Variants in DLC1 observed in about 807,000 individuals in gnomAD.
DLC1 encodes the protein DLC1 Rho GTPase activating protein.
A neutral mutation model predicts 140.3 loss-of-function variants in DLC1; 54 were observed. The observed-to-expected ratio is 0.38, with a 90% CI of 0.31 to 0.48. The LOEUF (loss-of-function observed/expected upper bound fraction) is 0.48, where lower values mean the gene tolerates loss of function less well. DLC1 is among the 20% of genes least tolerant of loss of function. The pLI is 0.96. For synonymous variants in DLC1, 986 were observed against 728.1 expected, an observed-to-expected ratio of 1.35 and a Z score of -5.70; for missense variants, 2,536 against 1,907.0, an observed-to-expected ratio of 1.33 and a Z score of -6.14.
At position 13,084,771 on chromosome 8, in the gene DLC1, G is replaced by C. The variant is rs980910486; in HGVS notation, c.*1040C>G. The C allele has an allele frequency of 6.6e-6, 1 of 152,204 alleles. No individual in the cohort carries two copies. The highest frequency in any genetic ancestry group is 2.4e-5 in the African/African-American group (1 of 41,442). 9.4% of individuals were successfully genotyped at this position (152,204 alleles called of 1,614,324 possible). ...CGGGGAAAAAGCCTTTTGTAGGTGA[G>C]TTAAATTTACAGGGATTTCCTTGGG... On this transcript the variant is annotated 3_prime_UTR_variant, in exon 18 of 18. Transcript: ENST00000276297.
At chr8:13,317,657 A>C (rs1292245762) in intron 4 of DLC1, among the ~76,000 whole-genome samples, 1 of 152,092 alleles carries the variant, frequency 6.6e-6, no homozygotes, top group Non-Finnish European at 1.5e-5. Context: ...AATGAGGGGT[A>C]GGGAGGGCCT....
chr8:13,579,315 TTATA>T (rs369773134), intron 1 of DLC1, among the ~76,000 whole-genome samples: 13 of 10,668 alleles, frequency 1.2e-3, no homozygotes, highest in African/African-American at 1.7e-3. Flanking sequence ...AGGTCTGACT[TTATA>T]TATATATATA....
At chr8:13,154,252 G>A (rs968358435) in intron 5 of DLC1, among the ~76,000 whole-genome samples, 2 of 152,256 alleles carry the variant, frequency 1.3e-5, no homozygotes, top group Non-Finnish European at 2.9e-5. Flanking sequence ...TGGAGCAGCG[G>A]GAGGCACCCA....
At chr8:13,294,864 T>C (rs1831887085) in intron 5 of DLC1, among the ~76,000 whole-genome samples, 1 of 152,208 alleles carries the variant, frequency 6.6e-6, no homozygotes, top group East Asian at 1.9e-4. Flanking sequence ...TTCAACTGTA[T>C]AATGTAGATA....
At chr8:13,393,327 G>A (rs552220235) in intron 4 of DLC1, among the ~76,000 whole-genome samples, 2 of 152,072 alleles carry the variant, frequency 1.3e-5, no homozygotes, top group Admixed American at 6.5e-5. Context: ...AGCACGTTTC[G>A]AATAATTCTT....
intron 10 of DLC1, among the ~76,000 whole-genome samples, chr8:13,096,959 C>T (rs1418435466): frequency 6.6e-6 from 1 of 152,182 alleles, no homozygotes; most frequent in Non-Finnish European, 1.5e-5. Flanking sequence ...AGAAACATTT[C>T]TCTGCTTGGC....
At chr8:13,426,686 C>G (rs1309069213) in intron 2 of DLC1, among the ~76,000 whole-genome samples, 1 of 152,108 alleles carries the variant, frequency 6.6e-6, no homozygotes, top group Non-Finnish European at 1.5e-5. Flanking sequence ...GAAATCAGTC[C>G]TTCTTCCTCG....
At chr8:13,429,508 A>C (rs2117385141) in intron 2 of DLC1, among the ~76,000 whole-genome samples, 1 of 152,344 alleles carries the variant, frequency 6.6e-6, no homozygotes, top group Middle Eastern at 3.4e-3. Flanking sequence ...GTGTAGGGAG[A>C]AGTAAAATAC....
intron 2 of DLC1, among the ~76,000 whole-genome samples, chr8:13,409,135 AT>A (rs1185084961): frequency 6.6e-6 from 1 of 152,008 alleles, no homozygotes; most frequent in African/African-American, 2.4e-5. Context: ...CAACAACTAT[AT>A]TTTCCTTAAT....
At chr8:13,344,058 C>G (rs1460949381) in intron 4 of DLC1, among the ~76,000 whole-genome samples, 3 of 152,074 alleles carry the variant, frequency 2.0e-5, no homozygotes, top group African/African-American at 7.2e-5. Context: ...ATTCTCTGAA[C>G]CTATGTTACT....
At chr8:13,187,107 C>G (rs1015188653) in intron 5 of DLC1, among the ~76,000 whole-genome samples, 1 of 152,078 alleles carries the variant, frequency 6.6e-6, no homozygotes, top group Non-Finnish European at 1.5e-5. Context: ...GTATTTCAAA[C>G]GTCACTCACA....
Position 13,401,556 on chromosome 8 carries a change from C to G in DLC1, c.1087G>C (p.Asp363His). Residue 363 changes from aspartate to histidine, a missense_variant, in exon 3 of 18, where the codon GAC (aspartate) becomes CAC (histidine). Transcript: ENST00000276297. ...TTTTCTATGTCCTGATCAAGCTGGT[C>G]CAGTTTCATAATCAGCAGCACCATG... ...DSMVLLIMKL[D>H]QLDQDIENAL... is the part of the protein sequence containing the mutation. 1 of 1,613,638 alleles carries G rather than the reference C, an allele frequency of 6.2e-7. No homozygotes were observed. Among genetic ancestry groups the G allele is most frequent in the Non-Finnish European group, 8.5e-7 (1 of 1,180,000 alleles).
In DLC1 at chr8:13,086,009, G is replaced by C. The variant is rs1817525943; in HGVS notation, c.4467-78C>G. 38 of 1,571,686 alleles carry C rather than the reference G, an allele frequency of 2.4e-5. No individual in the cohort carries two copies. The East Asian group carries it at 8.1e-4, about 34-fold the overall frequency. ...GAAATAAAATGAGAAACATCTGTTTGCTAGTTCAAATGCATAAAATCTATC... is the reference window on the plus strand; with the variant it reads ...GAAATAAAATGAGAAACATCTGTTTCCTAGTTCAAATGCATAAAATCTATC... On this transcript the variant is annotated intron_variant, in intron 17 of 17. Coordinates refer to ENST00000276297, the MANE Select transcript of DLC1 (RefSeq NM_182643.3).
chr8:13,178,464 C>T (rs1157973502), intron 5 of DLC1, among the ~76,000 whole-genome samples: 2 of 151,304 alleles, frequency 1.3e-5, no homozygotes, highest in African/African-American at 4.9e-5. Flanking sequence ...TCCACCTACT[C>T]AGGAGGCTGA....
chr8:13,101,675 G>C (rs1350602226), intron 8 of DLC1, among the ~76,000 whole-genome samples: 2 of 152,066 alleles, frequency 1.3e-5, no homozygotes, highest in Non-Finnish European at 2.9e-5. Flanking sequence ...AGACATGAAG[G>C]CTAGCGCTCA....
At chr8:13,592,935 G>A (rs1203214802) in intron 1 of DLC1, among the ~76,000 whole-genome samples, 4 of 152,100 alleles carry the variant, frequency 2.6e-5, no homozygotes, top group African/African-American at 9.7e-5. Flanking sequence ...TCTTCAAACA[G>A]GGTCACACCC....
chr8:13,491,221 G>A (rs1026560912), intron 2 of DLC1, among the ~76,000 whole-genome samples: 3 of 151,528 alleles, frequency 2.0e-5, no homozygotes, highest in Non-Finnish European at 2.9e-5. Context: ...GAATTTGTCA[G>A]CATTTGACAC....
intron 1 of DLC1, among the ~76,000 whole-genome samples, chr8:13,502,619 A>C (rs1801871843): frequency 6.6e-6 from 1 of 152,240 alleles, no homozygotes; most frequent in South Asian, 2.1e-4. Flanking sequence ...CATTTCCTAA[A>C]TCATCTGAAT....
chr8:13,230,835 G>A (rs1829016836), intron 5 of DLC1, among the ~76,000 whole-genome samples: 1 of 152,074 alleles, frequency 6.6e-6, no homozygotes, highest in Admixed American at 6.5e-5. Context: ...GACCTCAGGT[G>A]ATCTGCCCAC....
Sources: allele counts gnomAD v4.1 joint callset (sites outside exome capture counted in the v4.1 genomes callset), GRCh38; gene constraint gnomAD v4.1.1; transcripts MANE v1.5; gene names NCBI Gene and HGNC (gene_info 2026-07-23, HGNC 2026-07-21).